Variants in ITPR1 observed in about 807,000 individuals in gnomAD.
ITPR1 encodes the protein inositol 1,4,5-trisphosphate-gated calcium channel ITPR1.
Under a neutral mutation model 318.4 loss-of-function variants are expected in ITPR1, and 96 were observed. The ratio of observed to expected loss-of-function variants is 0.30; its 90% CI spans 0.26 to 0.36. ITPR1 has a LOEUF of 0.36. ITPR1 is among the 10% of genes least tolerant of loss of function. The probability of loss-of-function intolerance (pLI) is 1.00; values close to 1 mark genes in which losing one functional copy is unlikely to be tolerated. For synonymous variants in ITPR1, 1,312 were observed against 1,289.9 expected (o/e 1.02, Z -0.37); for missense variants, 2,440 against 3,460.2 (o/e 0.71, Z 7.40).
chr3:4,513,062 G>A (rs1295323001), intron 2 of ITPR1, among the ~76,000 whole-genome samples: 1 of 152,154 alleles, frequency 6.6e-6, no homozygotes, highest in Non-Finnish European at 1.5e-5. Context: ...AGTGACATAG[G>A]AGCCCTGAGT....
intron 4 of ITPR1, among the ~76,000 whole-genome samples, chr3:4,558,675 G>A (rs563356996): frequency 1.3e-5 from 2 of 152,084 alleles, no homozygotes; most frequent in Non-Finnish European, 2.9e-5. Flanking sequence ...GGAAATAAAA[G>A]AACTATGAAT....
chr3:4,729,429 G>A (rs559594162), intron 42 of ITPR1, among the ~76,000 whole-genome samples: 23 of 152,296 alleles, frequency 1.5e-4, no homozygotes, highest in African/African-American at 3.1e-4. Flanking sequence ...AAATCCAGGC[G>A]CTACCCTCAT....
At chr3:4,542,894 A>G (rs998190221) in intron 4 of ITPR1, among the ~76,000 whole-genome samples, 1 of 152,156 alleles carries the variant, frequency 6.6e-6, no homozygotes, top group Non-Finnish European at 1.5e-5. Context: ...ATTCCCTTCT[A>G]TATAACTGCT....
intron 2 of ITPR1, among the ~76,000 whole-genome samples, chr3:4,507,524 C>T (rs1194730915): frequency 2.0e-5 from 3 of 152,132 alleles, no homozygotes; most frequent in Non-Finnish European, 4.4e-5. Context: ...AAAATTGCTT[C>T]CTAAAGTTCC....
At chr3:4,669,874 A>G (rs1385796326) in intron 19 of ITPR1, 101 bp downstream of exon 19, 2 of 1,180,596 alleles carry the variant, frequency 1.7e-6, no homozygotes, top group Admixed American at 3.4e-5. Flanking sequence ...GAGTTGATCT[A>G]AAGTCAGTGT....
intron 2 of ITPR1, among the ~76,000 whole-genome samples, chr3:4,503,926 G>A (rs921856475): frequency 6.6e-6 from 1 of 151,232 alleles, no homozygotes; most frequent in African/African-American, 2.4e-5. Flanking sequence ...TCCCCCTCTC[G>A]CCCCCTCCCA....
At chr3:4,768,125 A>G (rs562611508) in intron 45 of ITPR1, 3 of 169,722 alleles carry the variant, frequency 1.8e-5, no homozygotes, top group East Asian at 3.3e-4. Context: ...CATTACGACA[A>G]CAATAATTGT....
At chr3:4,560,499 T>A (rs897866718) in intron 4 of ITPR1, among the ~76,000 whole-genome samples, 1 of 152,222 alleles carries the variant, frequency 6.6e-6, no homozygotes, top group Admixed American at 6.5e-5. Flanking sequence ...TAGTATCTGT[T>A]TTTTCCTTCT....
intron 4 of ITPR1, among the ~76,000 whole-genome samples, chr3:4,626,050 G>A (rs1480667141): frequency 2.0e-5 from 3 of 152,072 alleles, no homozygotes; most frequent in African/African-American, 7.2e-5. Context: ...GAGGCAGGAG[G>A]ATGGCTTCAG....
chr3:4,624,068 G>A (rs1194077000), intron 4 of ITPR1, among the ~76,000 whole-genome samples: 2 of 152,168 alleles, frequency 1.3e-5, no homozygotes, highest in African/African-American at 4.8e-5. Flanking sequence ...GTTGTAAAAT[G>A]CTTTCCATTG....
rs304015 is a variant in ITPR1 at position 4,521,226 on chromosome 3, G to C, written c.163+132G>C. The C allele has an allele frequency of 0.12, 79,130 of 663,242 alleles. 6,003 individuals carry two copies. Among genetic ancestry groups the C allele is most frequent in the African/African-American group, 0.28 (15,212 of 53,974 alleles). The allele number at this position is 663,242 out of a possible 1,614,324, so 41.1% of individuals were successfully genotyped here. On this transcript the variant is annotated intron_variant, in intron 4 of 61. Coordinates refer to ENST00000649015, the MANE Select transcript of ITPR1 (RefSeq NM_001378452.1). ...ATGTATTTTTTTCAGAGTATGATTT[G>C]AGTTCTAAGCTTTACAACTTGAAAA...
At chr3:4,598,461 A>C (rs2091021877) in intron 4 of ITPR1, among the ~76,000 whole-genome samples, 2 of 152,134 alleles carry the variant, frequency 1.3e-5, no homozygotes. Flanking sequence ...CTCTACAAAA[A>C]AATACAAAAA....
intron 44 of ITPR1, among the ~76,000 whole-genome samples, chr3:4,752,751 A>G (rs1368027684): frequency 1.3e-5 from 2 of 152,208 alleles, no homozygotes; most frequent in African/African-American, 2.4e-5. Flanking sequence ...TTTCTGTCTC[A>G]GCCTCCGGAG....
Position 4,631,192 on chromosome 3 carries a change from A to AC in ITPR1, c.279+3317dup, listed in dbSNP as rs2093005313. ...TTGGGCGACTGCATATCCAGTGGTGACCCTCTGTGGTTTTGATCGATCTTG... is the reference window on the plus strand; with the variant it reads ...TTGGGCGACTGCATATCCAGTGGTGACCCCTCTGTGGTTTTGATCGATCTTG... On this transcript the variant is annotated intron_variant, in intron 5 of 61. Coordinates refer to ENST00000649015, the MANE Select transcript of ITPR1 (RefSeq NM_001378452.1). Among the ~76,000 whole-genome samples, 4 of 152,212 alleles carry AC rather than the reference A, an allele frequency of 2.6e-5. No homozygotes were observed. In the South Asian group the frequency reaches 6.2e-4, roughly 24 times the overall value.
intron 4 of ITPR1, among the ~76,000 whole-genome samples, chr3:4,626,003 A>T (rs972458921): frequency 6.6e-6 from 1 of 152,140 alleles, no homozygotes; most frequent in African/African-American, 2.4e-5. Context: ...TGTCAGAAAA[A>T]TCTGGTGAAG....
At chr3:4,705,021 A>G (rs1352622570) in intron 36 of ITPR1, among the ~76,000 whole-genome samples, 3 of 151,878 alleles carry the variant, frequency 2.0e-5, no homozygotes, top group African/African-American at 7.3e-5. Flanking sequence ...TTTTTCCGCT[A>G]AATTGTGTGT....
chr3:4,696,667 CCG>C (rs1419653748), intron 33 of ITPR1, among the ~76,000 whole-genome samples: 4 of 130,230 alleles, frequency 3.1e-5, no homozygotes, highest in African/African-American at 1.2e-4. Context: ...GAGCCCCTTG[CCG>C]TGTGTTTTTT....
intron 4 of ITPR1, among the ~76,000 whole-genome samples, chr3:4,584,491 G>A (rs555623864): frequency 6.6e-6 from 1 of 151,934 alleles, no homozygotes; most frequent in Non-Finnish European, 1.5e-5. Context: ...AAGCGGGGAG[G>A]AGAGGAGAGG....
In ITPR1 at chr3:4,612,178, C is replaced by T. The variant is rs910748296; in HGVS notation, c.164-15585C>T. On this transcript the variant is annotated intron_variant, in intron 4 of 61. Transcript: ENST00000649015. ...TTGTGTTCAAGCAATTCTCCTGCCT[C>T]AGCCTCCCGAGTAGCTGGGATTACA... Among the ~76,000 whole-genome samples, 11 of 149,588 alleles carry T rather than the reference C, an allele frequency of 7.4e-5. No individual in the cohort carries two copies. In the East Asian group the frequency reaches 2.2e-3, roughly 30 times the overall value.
Sources: gnomAD v4.1 joint callset for allele counts (sites outside exome capture counted in the v4.1 genomes callset) on GRCh38, gnomAD v4.1.1 for gene constraint, MANE v1.5 for transcripts, NCBI Gene and HGNC (gene_info 2026-07-23, HGNC 2026-07-21) for gene names.